XRN1: variants seen among roughly 807,000 people sequenced by gnomAD.
The protein encoded by XRN1 is 5'-3' exoribonuclease 1, also known as strand-exchange protein 1 homolog.
A neutral mutation model predicts 222.3 loss-of-function variants in XRN1; 67 were observed. The ratio of observed to expected loss-of-function variants is 0.30; its 90% CI spans 0.25 to 0.37. The LOEUF is 0.37. Among genes scored for constraint, XRN1 ranks in the 10% least tolerant of loss-of-function variants. The pLI, the probability that XRN1 is intolerant of heterozygous loss-of-function variation, is 1.00. For synonymous variants in XRN1, 643 were observed against 652.4 expected (o/e 0.99, Z 0.22); for missense variants, 1,707 against 2,000.2 (o/e 0.85, Z 2.80).
chr3:142,404,706 A>G (rs1186787516), intron 16 of XRN1, among the ~76,000 whole-genome samples: 3 of 152,216 alleles, frequency 2.0e-5, no homozygotes, highest in Non-Finnish European at 4.4e-5. Context: ...TGACCAAAGT[A>G]GAGAATTATA....
chr3:142,422,542 A>G, intron 8 of XRN1, 40 bp downstream of exon 8: 1 of 1,584,636 alleles, frequency 6.3e-7, no homozygotes, highest in Non-Finnish European at 8.6e-7. Context: ...AGGTGGCACT[A>G]AATTAAAGTA....
chr3:142,333,903 G>T (rs1390642366), intron 34 of XRN1, among the ~76,000 whole-genome samples: 1 of 152,132 alleles, frequency 6.6e-6, no homozygotes, highest in Admixed American at 6.5e-5. Flanking sequence ...TAGCATTAAA[G>T]ACATTATTCT....
rs1319082489 is a variant in XRN1 at position 142,310,645 on chromosome 3, G to C, written c.*866C>G. ...CTATGAAGCTCTCATAAAATGTCAG[G>C]TAAGCAAATAAAAAGCTATACAAAA... is the stretch of plus-strand genomic sequence containing the variant. On this transcript the variant is annotated 3_prime_UTR_variant, in exon 41 of 41. Coordinates refer to ENST00000392981, the MANE Select transcript of XRN1 (RefSeq NM_001282857.2). 6.6e-6 allele frequency: 1 copy of C among 152,484 alleles called. No individual in the cohort carries two copies. Among genetic ancestry groups the C allele is most frequent in the African/African-American group, 2.4e-5 (1 of 41,408 alleles). 9.4% of individuals were successfully genotyped at this position (152,484 alleles called of 1,614,324 possible).
chr3:142,444,216 G>T (rs192812922), intron 1 of XRN1, among the ~76,000 whole-genome samples: 1 of 152,076 alleles, frequency 6.6e-6, no homozygotes, highest in African/African-American at 2.4e-5. Context: ...AGGCCGAGGC[G>T]GGCAGATCAC....
At chr3:142,442,255 T>C (rs1198712365) in intron 1 of XRN1, among the ~76,000 whole-genome samples, 2 of 152,214 alleles carry the variant, frequency 1.3e-5, no homozygotes, top group Admixed American at 6.5e-5. Context: ...TATTATTGGC[T>C]GTACAGAAAC....
At chr3:142,438,115 C>A (rs996592322) in intron 1 of XRN1, among the ~76,000 whole-genome samples, 3 of 152,164 alleles carry the variant, frequency 2.0e-5, no homozygotes. Context: ...ATTAGTACAA[C>A]CACTATGAAG....
intron 37 of XRN1, among the ~76,000 whole-genome samples, chr3:142,324,806 T>C (rs1036239806): frequency 4.6e-5 from 7 of 152,166 alleles, no homozygotes; most frequent in African/African-American, 1.7e-4. Flanking sequence ...TGTGAGATGG[T>C]ATCTCATTGT....
At chr3:142,441,713 C>G (rs2070222085) in intron 1 of XRN1, among the ~76,000 whole-genome samples, 1 of 152,214 alleles carries the variant, frequency 6.6e-6, no homozygotes, top group South Asian at 2.1e-4. Context: ...ATATCAGGCT[C>G]TATTACTTGA....
Position 142,431,846 on chromosome 3 carries a change from A to AT in XRN1, c.308+814_308+815insA, listed in dbSNP as rs1224993515. On this transcript the variant is annotated intron_variant, in intron 2 of 40. Coordinates refer to ENST00000392981, the MANE Select transcript of XRN1 (RefSeq NM_001282857.2). Reference sequence around the variant, plus strand: ...AAAAAAATTATATATAATATTAAAAAATATATATATTATATATAATATATT... The same window carrying AT: ...AAAAAAATTATATATAATATTAAAAATATATATATATTATATATAATATATT... 7.5e-5 allele frequency among the ~76,000 whole-genome samples: 5 copies of AT among 66,452 alleles called. No individual in the cohort carries two copies. The Admixed American group carries it at 1.1e-3, about 15-fold the overall frequency. The allele number at this position is 66,452 out of a possible 152,430, so 43.6% of individuals were successfully genotyped here.
intron 20 of XRN1, among the ~76,000 whole-genome samples, chr3:142,386,970 TCTA>T (rs1271434713): frequency 6.6e-6 from 1 of 152,170 alleles, no homozygotes; most frequent in Non-Finnish European, 1.5e-5. Flanking sequence ...AAGCAGTAAT[TCTA>T]CTCTTAGATA....
chr3:142,332,772 G>T (rs2065736436), intron 35 of XRN1, 195 bp downstream of exon 35: 1 of 832,614 alleles, frequency 1.2e-6, no homozygotes, highest in Non-Finnish European at 1.8e-6. Flanking sequence ...TGTTTGAAAA[G>T]CAGGGGAACT....
intron 34 of XRN1, among the ~76,000 whole-genome samples, chr3:142,334,347 T>C (rs1183997288): frequency 6.6e-6 from 1 of 151,992 alleles, no homozygotes; most frequent in Non-Finnish European, 1.5e-5. Flanking sequence ...AGACCTTTTA[T>C]AAATTTAATA....
At chr3:142,331,255 T>C (rs940495686) in intron 36 of XRN1, among the ~76,000 whole-genome samples, 13 of 152,158 alleles carry the variant, frequency 8.5e-5, no homozygotes, top group African/African-American at 3.1e-4. Context: ...ATTATACAGA[T>C]AAAATGCTAA....
chr3:142,371,022 G>C (rs557786062), intron 26 of XRN1, among the ~76,000 whole-genome samples: 12 of 151,928 alleles, frequency 7.9e-5, no homozygotes, highest in Admixed American at 4.6e-4. Context: ...AATAGGCCCA[G>C]CTACTCAGGA....
chr3:142,426,990 T>C (rs1354685314), intron 2 of XRN1, 149 bp from the exon 3 acceptor site: 2 of 624,020 alleles, frequency 3.2e-6, no homozygotes, highest in Non-Finnish European at 5.4e-6. Flanking sequence ...TGATTATGAT[T>C]GATAAAAATG....
chr3:142,429,200 T>C (rs1450262933), intron 2 of XRN1, among the ~76,000 whole-genome samples: 1 of 144,366 alleles, frequency 6.9e-6, no homozygotes, highest in African/African-American at 2.6e-5. Context: ...CAGGCTGGAG[T>C]GCAGTGGTGT....
rs1053466464 is a variant in XRN1 at position 142,308,829 on chromosome 3, A to G, written c.*2682T>C. Reference sequence around the variant, plus strand: ...ATTTGGGGAATCTGTCCTATGCCCTAAACAGTCCACCATTTTCACAAAAAG... The same window carrying G: ...ATTTGGGGAATCTGTCCTATGCCCTGAACAGTCCACCATTTTCACAAAAAG... On this transcript the variant is annotated 3_prime_UTR_variant, in exon 41 of 41. Coordinates refer to ENST00000392981, the MANE Select transcript of XRN1 (RefSeq NM_001282857.2). 6.6e-6 allele frequency: 1 copy of G among 152,240 alleles called. No individual in the cohort carries two copies. Among genetic ancestry groups the G allele is most frequent in the African/African-American group, 2.4e-5 (1 of 41,466 alleles). The allele number at this position is 152,240 out of a possible 1,614,324, so 9.4% of individuals were successfully genotyped here. A position where few individuals can be genotyped will look rare whatever the true frequency, so the allele number is the denominator to read the frequency against.
At position 142,308,084 on chromosome 3, in the gene XRN1, GCA is replaced by G. The variant is rs934113944; in HGVS notation, c.*3425_*3426del. 1.3e-5 allele frequency: 2 copies of G among 152,016 alleles called. No homozygotes were observed. The highest frequency in any genetic ancestry group is 6.6e-5 in the Admixed American group (1 of 15,264). 9.4% of individuals were successfully genotyped at this position (152,016 alleles called of 1,614,324 possible). ...ACAGAACTAACTTGAGTGAAGATCT[GCA>G]CAGCTCTATCTCATATAATAAAAGT... On this transcript the variant is annotated 3_prime_UTR_variant, in exon 41 of 41. Transcript: ENST00000392981.
At chr3:142,325,681 A>G (rs576061656) in intron 37 of XRN1, among the ~76,000 whole-genome samples, 1 of 152,026 alleles carries the variant, frequency 6.6e-6, no homozygotes, top group East Asian at 1.9e-4. Context: ...TTGATGTGAT[A>G]CCGTTTATGC....
Sources: allele counts gnomAD v4.1 joint callset (sites outside exome capture counted in the v4.1 genomes callset), GRCh38; gene constraint gnomAD v4.1.1; transcripts MANE v1.5; gene names NCBI Gene and HGNC (gene_info 2026-07-23, HGNC 2026-07-21).